The following MOV10L1 variants were observed in gnomAD, a reference collection of about 807,000 sequenced individuals.
The protein encoded by MOV10L1 is RNA helicase Mov10l1.
A neutral mutation model predicts 143.8 loss-of-function variants in MOV10L1; 110 were observed. The ratio of observed to expected loss-of-function variants is 0.76; its 90% CI spans 0.66 to 0.90. The LOEUF is 0.90. Ranked by LOEUF, MOV10L1 falls within the 40% of genes least tolerant of loss-of-function variation. MOV10L1 has a pLI of 0.00. For synonymous variants in MOV10L1, 593 were observed against 581.1 expected, an observed-to-expected ratio of 1.02 and a Z score of -0.29; for missense variants, 1,406 against 1,526.8, an observed-to-expected ratio of 0.92 and a Z score of 1.32.
In MOV10L1 at chr22:50,108,797, G is replaced by A; in HGVS notation, c.696G>A (p.Gln232=). ...VVNAVVVESS[Q]SCYVWRALCM... ...ATGCAGTGGTGGTGGAGAGCAGCCA[G>A]TCATGCTATGTCTGGAGGGCACTTT... The change falls in exon 5 of 27, where the codon CAG becomes CAA. Residue 232 remains glutamine, a synonymous_variant. Transcript: ENST00000262794. 6.2e-7 allele frequency: 1 copy of A among 1,614,230 alleles called. No homozygotes were observed. Among genetic ancestry groups the A allele is most frequent in the Non-Finnish European group, 8.5e-7 (1 of 1,180,038 alleles).
chr22:50,117,476 G>A (rs536424553), intron 9 of MOV10L1, 125 bp downstream of exon 9: 101 of 954,588 alleles, frequency 1.1e-4, no homozygotes, highest in Admixed American at 2.0e-4. Context: ...TGAAGCTGGG[G>A]TTCAAGCCTC....
At chr22:50,104,650 CTA>C (rs1489664938) in intron 3 of MOV10L1, among the ~76,000 whole-genome samples, 1 of 151,850 alleles carries the variant, frequency 6.6e-6, no homozygotes, top group Admixed American at 6.6e-5. Context: ...TTTTCAGAAA[CTA>C]TTAAAAAAAG....
At position 50,134,624 on chromosome 22, in the gene MOV10L1, CA is replaced by C. The variant is rs756813030; in HGVS notation, c.2069del (p.Lys690ArgfsTer6). The part of the protein sequence containing the change: ...DTKSSGQSTS[K>X]KNRKTMTDQA... ...CCAAAAGCAGTGGACAGTCCACCAG[CA>C]AAAAGGTAGTGCTCAGCAATGTGGC... On this transcript the variant is annotated frameshift_variant, in exon 15 of 27. Transcript: ENST00000262794. LOFTEE classifies it high-confidence loss of function. The C allele has an allele frequency of 6.2e-7, 1 of 1,613,782 alleles. No homozygotes were observed. The highest frequency in any genetic ancestry group is 8.5e-7 in the Non-Finnish European group (1 of 1,179,850).
At chr22:50,150,050 A>G (rs1325440385) in intron 20 of MOV10L1, among the ~76,000 whole-genome samples, 1 of 152,184 alleles carries the variant, frequency 6.6e-6, no homozygotes, top group African/African-American at 2.4e-5. Context: ...CATCTGACCC[A>G]CTTGCCCCTC....
At chr22:50,142,555 G>A (rs1214431815) in intron 16 of MOV10L1, among the ~76,000 whole-genome samples, 2 of 152,006 alleles carry the variant, frequency 1.3e-5, no homozygotes, top group Admixed American at 6.6e-5. Context: ...CAGGTTGAGT[G>A]CAGGGCTCAC....
At chr22:50,110,399 A>G (rs1172868586) in intron 5 of MOV10L1, among the ~76,000 whole-genome samples, 1 of 151,524 alleles carries the variant, frequency 6.6e-6, no homozygotes, top group Non-Finnish European at 1.5e-5. Context: ...CAGTGAGCCG[A>G]GATCGCGCCA....
chr22:50,152,663 G>A lies in MOV10L1; in HGVS notation c.2893-382G>A, dbSNP rs1457482264. On this transcript the variant is annotated intron_variant, in intron 21 of 26. Transcript: ENST00000262794. This position sits in a 1 kb window ranked among gnomAD's most constrained non-coding sequence, Gnocchi z 4.4. ...TGGCCAAGCGGAGGCAGGGCTGTGT[G>A]GGCCAACAAGATGCTGTTTCCAGGG... Among the ~76,000 whole-genome samples, 1 of 152,108 alleles carries A rather than the reference G, an allele frequency of 6.6e-6. No homozygotes were observed. Among genetic ancestry groups the A allele is most frequent in the Non-Finnish European group, 1.5e-5 (1 of 68,004 alleles).
At chr22:50,127,518 C>T (rs1047183629) in intron 12 of MOV10L1, among the ~76,000 whole-genome samples, 6 of 152,170 alleles carry the variant, frequency 3.9e-5, no homozygotes, top group South Asian at 2.1e-4. Context: ...CCCTTCCTCC[C>T]GGAGCTGGAA....
At chr22:50,102,718 A>G (rs1334121266) in intron 3 of MOV10L1, among the ~76,000 whole-genome samples, 1 of 152,108 alleles carries the variant, frequency 6.6e-6, no homozygotes, top group Non-Finnish European at 1.5e-5. Context: ...CCTGACCAAC[A>G]TGGAGAAACC....
intron 3 of MOV10L1, among the ~76,000 whole-genome samples, chr22:50,107,489 C>CT (rs111842655): frequency 0.016 from 2,390 of 147,614 alleles, 30 homozygotes; most frequent in African/African-American, 0.039. Context: ...CAATTATACA[C>CT]TTTTTTTTTT....
chr22:50,120,446 C>G (rs2062306259), intron 9 of MOV10L1, 56 bp from the exon 10 acceptor site: 1 of 1,099,856 alleles, frequency 9.1e-7, no homozygotes, highest in Admixed American at 1.9e-5. Flanking sequence ...GTAAGAATGT[C>G]TAGTGATACC....
At chr22:50,147,742 G>A (rs1442484012) in intron 19 of MOV10L1, among the ~76,000 whole-genome samples, 1 of 152,248 alleles carries the variant, frequency 6.6e-6, no homozygotes, top group Non-Finnish European at 1.5e-5. Flanking sequence ...AATTAATACA[G>A]AATTGAAACC....
rs1259721224 is a variant in MOV10L1, at chr22:50,112,889, C to T, written c.744-759C>T. Reference sequence around the variant, plus strand: ...GTGGACTCTCTGCCCCTGTACCTCCCTTGTCACACCAGGGCACACAGAGAA... The same window carrying T: ...GTGGACTCTCTGCCCCTGTACCTCCTTTGTCACACCAGGGCACACAGAGAA... On this transcript the variant is annotated intron_variant, in intron 5 of 26. Transcript: ENST00000262794. 1.3e-5 allele frequency among the ~76,000 whole-genome samples: 2 copies of T among 152,238 alleles called. 1 individual carries two copies. The highest frequency in any genetic ancestry group is 4.8e-5 in the African/African-American group (2 of 41,474).
intron 15 of MOV10L1, among the ~76,000 whole-genome samples, chr22:50,139,440 A>G (rs951498052): frequency 4.6e-5 from 7 of 152,146 alleles, no homozygotes; most frequent in Admixed American, 1.3e-4. Context: ...AGTAAGGTAC[A>G]ATGGCATACA....
chr22:50,104,156 C>G (rs934640112), intron 3 of MOV10L1, among the ~76,000 whole-genome samples: 1 of 152,202 alleles, frequency 6.6e-6, no homozygotes, highest in East Asian at 1.9e-4. Context: ...GAATCTACTA[C>G]CCCTGCTGAT....
At chr22:50,144,642 CAT>C (rs2063091232) in intron 18 of MOV10L1, among the ~76,000 whole-genome samples, 1 of 149,810 alleles carries the variant, frequency 6.7e-6, no homozygotes, top group South Asian at 2.1e-4. Flanking sequence ...AGTGCAGTGG[CAT>C]GATCTCGGCT....
At chr22:50,118,223 C>T (rs115515758) in intron 9 of MOV10L1, among the ~76,000 whole-genome samples, 1 of 151,510 alleles carries the variant, frequency 6.6e-6, no homozygotes. Flanking sequence ...TAAGGTTAGA[C>T]CATTGTTTGA....
rs1475709822 is a variant in MOV10L1, at chr22:50,114,371, AT to A, written c.885-5del. The A allele has an allele frequency of 1.2e-6, 2 of 1,611,186 alleles. No individual in the cohort carries two copies. Among genetic ancestry groups the A allele is most frequent in the African/African-American group, 1.3e-5 (1 of 74,764 alleles). On this transcript the variant is annotated splice_polypyrimidine_tract_variant and intron_variant, in intron 6 of 26. Transcript: ENST00000262794. Reference sequence around the variant, plus strand: ...CCTGGCTGTGTTCATAGTTAATTGTATTTTTCCAGGAATAAAGGAGACATTC... The same window carrying A: ...CCTGGCTGTGTTCATAGTTAATTGTATTTTCCAGGAATAAAGGAGACATTC...
chr22:50,107,866 C>T (rs371803949), intron 3 of MOV10L1, among the ~76,000 whole-genome samples: 101 of 152,308 alleles, frequency 6.6e-4, no homozygotes, highest in African/African-American at 2.3e-3. Flanking sequence ...ATGTGCCACA[C>T]GAGGAGGGAC....
Sources: gnomAD v4.1 joint callset for allele counts (sites outside exome capture counted in the v4.1 genomes callset) on GRCh38, gnomAD v4.1.1 for gene constraint, Gnocchi (gnomAD v3.1) non-coding constraint, MANE v1.5 for transcripts, NCBI Gene and HGNC (gene_info 2026-07-23, HGNC 2026-07-21) for gene names.